Variants in CELA3A observed in about 807,000 individuals in gnomAD.
CELA3A encodes the protein chymotrypsin like elastase 3A.
A neutral mutation model predicts 38.6 loss-of-function variants in CELA3A; 35 were observed. That is an observed-to-expected ratio of 0.91 (90% CI 0.69 to 1.20). CELA3A has a LOEUF of 1.20. Ranked by LOEUF, CELA3A falls within the 50% of genes most tolerant of loss-of-function variation. The probability of loss-of-function intolerance (pLI) is 0.00; values close to 1 mark genes in which losing one functional copy is unlikely to be tolerated. For missense variants in CELA3A, 343 were observed against 354.2 expected (o/e 0.97, Z 0.25); for synonymous variants, 143 against 136.7 (o/e 1.05, Z -0.32).
intron 7 of CELA3A, among the ~76,000 whole-genome samples, chr1:22,011,537 G>A (rs1644983646): frequency 8.0e-6 from 1 of 125,732 alleles, no homozygotes; most frequent in Non-Finnish European, 1.6e-5. Flanking sequence ...AAGGCAGGTG[G>A]ATCACAAGGT....
In CELA3A at chr1:22,007,475, C is replaced by G. The variant is rs750106416; in HGVS notation, c.602C>G (p.Thr201Ser). 1.2e-5 allele frequency: 19 copies of G among 1,612,392 alleles called. No homozygotes were observed. The highest frequency in any genetic ancestry group is 4.2e-6 in the Non-Finnish European group (5 of 1,179,384). ...WNWWGSTVKK[T>S]MVCAGGYIRS... ...TGGTGGGGTTCCACCGTGAAGAAAA[C>G]CATGGTGTGTGCTGGAGGGTACATC... The change falls in exon 6 of 8, where the codon ACC (threonine) becomes AGC (serine). Residue 201 changes from threonine to serine, a missense_variant. Coordinates refer to ENST00000290122, the MANE Select transcript of CELA3A (RefSeq NM_005747.5).
chr1:22,007,088 G>A, intron 5 of CELA3A, 74 bp downstream of exon 5: 1 of 1,576,268 alleles, frequency 6.3e-7, no homozygotes, highest in Non-Finnish European at 8.7e-7. Context: ...CAGGTTGAAG[G>A]TAACACCAAG....
At chr1:22,008,802 T>C (rs1403375291) in intron 6 of CELA3A, among the ~76,000 whole-genome samples, 1 of 151,958 alleles carries the variant, frequency 6.6e-6, no homozygotes, top group Non-Finnish European at 1.5e-5. Context: ...TGTATTGTAA[T>C]TGAGTATGAA....
chr1:22,003,793 C>A (rs1161980732), intron 2 of CELA3A, among the ~76,000 whole-genome samples: 1 of 151,046 alleles, frequency 6.6e-6, no homozygotes, highest in East Asian at 2.0e-4. Flanking sequence ...GCAAACTCTG[C>A]CACCCGGGTT....
intron 6 of CELA3A, among the ~76,000 whole-genome samples, chr1:22,009,296 A>G (rs1446690634): frequency 6.6e-6 from 1 of 151,344 alleles, no homozygotes; most frequent in East Asian, 1.9e-4. Flanking sequence ...CCCTGGAGGC[A>G]GAGCTTGCAG....
rs1429194158 is a variant in CELA3A, at chr1:22,003,042, G to A, written c.83G>A (p.Arg28His). ...CCACCTTCCTCTCACTCTTCCAGCC[G>A]CGTTGTCCATGGTGAGGATGCGGTC... is the stretch of plus-strand genomic sequence containing the variant. Reference protein sequence around the residue: ...YGPPSSHSSSRVVHGEDAVPY... With the variant: ...YGPPSSHSSSHVVHGEDAVPY... Residue 28 changes from arginine to histidine, a missense_variant, in exon 2 of 8, where the codon CGC (arginine) becomes CAC (histidine). Transcript: ENST00000290122. 38 of 1,571,632 alleles carry A rather than the reference G, an allele frequency of 2.4e-5. 6 individuals are homozygous for A. Among genetic ancestry groups the A allele is most frequent in the Non-Finnish European group, 3.1e-5 (36 of 1,167,348 alleles).
intron 6 of CELA3A, 102 bp downstream of exon 6, chr1:22,007,617 C>T: frequency 6.7e-7 from 1 of 1,501,064 alleles, no homozygotes; most frequent in Non-Finnish European, 8.9e-7. Context: ...CTGCTTGCCC[C>T]ATTCAGCCTC....
At chr1:22,004,073 T>TTC (rs1344261214) in intron 2 of CELA3A, among the ~76,000 whole-genome samples, 1 of 60,830 alleles carries the variant, frequency 1.6e-5, no homozygotes, top group South Asian at 4.6e-4. Flanking sequence ...TTTCTTTTCT[T>TTC]TGTTTTTTTT....
intron 4 of CELA3A, among the ~76,000 whole-genome samples, chr1:22,006,508 C>A (rs531844208): frequency 6.6e-6 from 1 of 151,244 alleles, no homozygotes; most frequent in Non-Finnish European, 1.5e-5. Flanking sequence ...GCCTGGGCAA[C>A]AGAGCGAGAC....
intron 7 of CELA3A, among the ~76,000 whole-genome samples, chr1:22,011,840 G>A (rs1351853477): frequency 1.6e-5 from 2 of 125,664 alleles, no homozygotes; most frequent in East Asian, 5.2e-4. Context: ...AGATCACGAG[G>A]TCAGGAGATT....
intron 4 of CELA3A, among the ~76,000 whole-genome samples, chr1:22,006,420 GAA>G (rs1161778386): frequency 5.9e-5 from 9 of 151,340 alleles, no homozygotes; most frequent in Non-Finnish European, 1.2e-4. Context: ...CCAGCTACTG[GAA>G]AGGCTGAGGC....
At chr1:22,008,542 G>A (rs1181285762) in intron 6 of CELA3A, among the ~76,000 whole-genome samples, 2 of 150,676 alleles carry the variant, frequency 1.3e-5, no homozygotes, top group African/African-American at 2.5e-5. Flanking sequence ...GGCGGATCAC[G>A]AGGTCAGGAG....
intron 2 of CELA3A, among the ~76,000 whole-genome samples, chr1:22,004,421 C>T (rs1644936715): frequency 6.6e-6 from 1 of 150,898 alleles, no homozygotes; most frequent in Non-Finnish European, 1.5e-5. Flanking sequence ...CTAGTGGCTA[C>T]CATATTGGAC....
At chr1:22,005,837 C>T in intron 4 of CELA3A, 41 bp downstream of exon 4, 2 of 1,608,704 alleles carry the variant, frequency 1.2e-6, no homozygotes. Context: ...GGCTCCTCTA[C>T]TTGTCCCTCC....
Position 22,002,549 on chromosome 1 carries a change from C to G in CELA3A, c.44-454C>G, listed in dbSNP as rs1644924352. On this transcript the variant is annotated intron_variant, in intron 1 of 7. Coordinates refer to ENST00000290122, the MANE Select transcript of CELA3A (RefSeq NM_005747.5). ...CTAGAGATGAGGTCTTGCTATGTTG[C>G]CCAGGCTGGTCTCAAACTCCCGGGC... 2 of 237,002 alleles carry G rather than the reference C, an allele frequency of 8.4e-6. 1 individual carries two copies. Among genetic ancestry groups the G allele is most frequent in the African/African-American group, 7.8e-5 (2 of 25,610 alleles). The allele number at this position is 237,002 out of a possible 1,614,324, so 14.7% of individuals were successfully genotyped here. A position where few individuals can be genotyped will look rare whatever the true frequency, so the allele number is the denominator to read the frequency against.
rs1644955642 is a variant in CELA3A, at chr1:22,007,141, C to T, written c.499+127C>T. On this transcript the variant is annotated intron_variant, in intron 5 of 7. Coordinates refer to ENST00000290122, the MANE Select transcript of CELA3A (RefSeq NM_005747.5). ...TCTCCCATTTCTCTCCAGCTGCAGC[C>T]TTCTTCCATCAACCTCCAAAACACG... 8 of 1,452,798 alleles carry T rather than the reference C, an allele frequency of 5.5e-6. No individual in the cohort carries two copies. In the South Asian group the frequency reaches 9.5e-5, roughly 17 times the overall value. The allele number at this position is 1,452,798 out of a possible 1,614,324, so 90.0% of individuals were successfully genotyped here.
intron 6 of CELA3A, 43 bp from the exon 7 acceptor site, chr1:22,009,662 C>T (rs1341892718): frequency 6.3e-7 from 1 of 1,598,460 alleles, no homozygotes; most frequent in South Asian, 1.1e-5. Flanking sequence ...TTCCGTAAAC[C>T]TCAGACATGG....
At chr1:22,008,142 G>C (rs115002768) in intron 6 of CELA3A, among the ~76,000 whole-genome samples, 7,826 of 83,696 alleles carry the variant, frequency 0.094, 942 homozygotes, top group African/African-American at 0.24. Flanking sequence ...GACACAGCAA[G>C]ACGTTGTCTC....
At chr1:22,009,907 A>T in intron 7 of CELA3A, 50 bp downstream of exon 7, 1 of 1,574,794 alleles carries the variant, frequency 6.4e-7, no homozygotes, top group Non-Finnish European at 8.6e-7. Context: ...GGCTCTTCTG[A>T]GAGGTGACAG....
Sources: gnomAD v4.1 joint callset for allele counts (sites outside exome capture counted in the v4.1 genomes callset) on GRCh38, gnomAD v4.1.1 for gene constraint, MANE v1.5 for transcripts, NCBI Gene and HGNC (gene_info 2026-07-23, HGNC 2026-07-21) for gene names.